FUT8: variants seen among roughly 807,000 people sequenced by gnomAD.
FUT8 encodes the protein alpha-(1,6)-fucosyltransferase.
Under a neutral mutation model 71.3 loss-of-function variants are expected in FUT8, and 29 were observed. That is an observed-to-expected ratio of 0.41 (90% CI 0.30 to 0.55). The LOEUF (loss-of-function observed/expected upper bound fraction) is 0.55. FUT8 is among the 20% of genes least tolerant of loss of function. The probability of loss-of-function intolerance (pLI) is 0.34; values close to 1 mark genes in which losing one functional copy is unlikely to be tolerated. For synonymous variants in FUT8, 254 were observed against 239.3 expected (o/e 1.06, Z -0.57); for missense variants, 544 against 702.1 (o/e 0.77, Z 2.55).
intron 1 of FUT8, among the ~76,000 whole-genome samples, chr14:65,432,794 A>C (rs1317503592): frequency 6.6e-6 from 1 of 152,162 alleles, no homozygotes; most frequent in Non-Finnish European, 1.5e-5. Context: ...CAATGTCAGG[A>C]AGTTACCCTG....
chr14:65,656,860 A>G lies in FUT8; in HGVS notation c.598-12383A>G, dbSNP rs74454534. ...ACCCAGAAACAAATCTGTTATCTAC[A>G]GTAAACTCATTTTCAACGAAAGTCA... On this transcript the variant is annotated intron_variant, in intron 6 of 10. Coordinates refer to ENST00000673929, the MANE Select transcript of FUT8 (RefSeq NM_001371533.1). Among the ~76,000 whole-genome samples, 1,188 of 152,330 alleles carry G rather than the reference A, an allele frequency of 7.8e-3. 9 individuals carry two copies. The highest frequency in any genetic ancestry group is 0.024 in the African/African-American group (986 of 41,576).
chr14:65,564,620 A>G (rs1345073375), intron 3 of FUT8, among the ~76,000 whole-genome samples: 2 of 151,958 alleles, frequency 1.3e-5, no homozygotes, highest in African/African-American at 2.4e-5. Context: ...AACCATCACA[A>G]AAACTATAGA....
chr14:65,698,939 A>T (rs1894136983), intron 7 of FUT8, among the ~76,000 whole-genome samples: 1 of 152,168 alleles, frequency 6.6e-6, no homozygotes, highest in Non-Finnish European at 1.5e-5. Flanking sequence ...AAATGCAATG[A>T]TTGAGATACC....
chr14:65,604,015 A>G (rs61987994), intron 3 of FUT8, among the ~76,000 whole-genome samples: 102,698 of 150,800 alleles, frequency 0.68, 35,505 homozygotes, highest in East Asian at 0.79. Flanking sequence ...GGCCTTGTCC[A>G]ACAAGGCCTT....
At chr14:65,459,552 C>CTTATA (rs1221184447) in intron 2 of FUT8, among the ~76,000 whole-genome samples, 2 of 152,024 alleles carry the variant, frequency 1.3e-5, no homozygotes, top group African/African-American at 2.4e-5. Flanking sequence ...AGTAATTTAA[C>CTTATA]TTAATCCCAC....
At chr14:65,616,401 G>C in intron 5 of FUT8, 28 bp downstream of exon 5, 1 of 1,517,340 alleles carries the variant, frequency 6.6e-7, no homozygotes, top group Non-Finnish European at 8.9e-7. Flanking sequence ...CATTTTATTT[G>C]GGCTTTAGAA....
chr14:65,723,467 G>C (rs1895527618), intron 8 of FUT8, among the ~76,000 whole-genome samples: 1 of 152,168 alleles, frequency 6.6e-6, no homozygotes, highest in Non-Finnish European at 1.5e-5. Context: ...AATATGACAG[G>C]TGAAATTAAT....
chr14:65,585,611 G>C (rs1887339067), intron 3 of FUT8, among the ~76,000 whole-genome samples: 1 of 152,156 alleles, frequency 6.6e-6, no homozygotes, highest in Admixed American at 6.5e-5. Flanking sequence ...TTGTTCTTTT[G>C]ATGCAACTAT....
intron 2 of FUT8, among the ~76,000 whole-genome samples, chr14:65,519,856 C>T (rs971570508): frequency 1.3e-4 from 20 of 152,200 alleles, no homozygotes; most frequent in African/African-American, 4.8e-4. Context: ...TTGGCTCACT[C>T]CAGCCTCCAT....
rs143747256 is a variant in FUT8, at chr14:65,599,455, A to T, written c.204-16523A>T. 6.2e-3 allele frequency among the ~76,000 whole-genome samples: 944 copies of T among 152,316 alleles called. 11 individuals carry two copies. The highest frequency in any genetic ancestry group is 0.035 in the East Asian group (182 of 5,184). On this transcript the variant is annotated intron_variant, in intron 3 of 10. Transcript: ENST00000673929. ...AATTGATTTATTTCTTGGTTTGGTT[A>T]TGAGTATTTTTAGAAATATTTTAAA...
chr14:65,598,322 A>G (rs2140161352), intron 3 of FUT8, among the ~76,000 whole-genome samples: 1 of 152,190 alleles, frequency 6.6e-6, no homozygotes, highest in African/African-American at 2.4e-5. Context: ...ACCCAGGTTC[A>G]AGTGATTCTC....
chr14:65,478,980 G>A (rs1388720058), intron 2 of FUT8, among the ~76,000 whole-genome samples: 3 of 152,154 alleles, frequency 2.0e-5, no homozygotes, highest in Admixed American at 6.5e-5. Context: ...GTTAGGCTTT[G>A]GTTATCAGTA....
chr14:65,653,816 G>A (rs1363098712), intron 6 of FUT8, among the ~76,000 whole-genome samples: 1 of 152,156 alleles, frequency 6.6e-6, no homozygotes, highest in Non-Finnish European at 1.5e-5. Flanking sequence ...GGGATTATAG[G>A]CTTTGAACCA....
rs560398782 is a variant in FUT8 at position 65,645,893 on chromosome 14, T to A, written c.597+16287T>A. 11 of 152,336 alleles carry A rather than the reference T, an allele frequency of 7.2e-5. No homozygotes were observed. The East Asian group carries it at 2.1e-3, about 29-fold the overall frequency. The allele number at this position is 152,336 out of a possible 1,614,324, so 9.4% of individuals were successfully genotyped here. On this transcript the variant is annotated intron_variant, in intron 6 of 10. Coordinates refer to ENST00000673929, the MANE Select transcript of FUT8 (RefSeq NM_001371533.1). Reference sequence around the variant, plus strand: ...AAAAATATCTCTGCACAAAAGCAACTGTGAACTACATAAATATATCTCTAA... The same window carrying A: ...AAAAATATCTCTGCACAAAAGCAACAGTGAACTACATAAATATATCTCTAA...
chr14:65,693,432 G>A (rs1327596496), intron 7 of FUT8, among the ~76,000 whole-genome samples: 3 of 152,242 alleles, frequency 2.0e-5, no homozygotes, highest in Non-Finnish European at 2.9e-5. Context: ...AGGCAGGGAG[G>A]TTGCAGTGAG....
chr14:65,471,740 GT>G (rs1254192864), intron 2 of FUT8, among the ~76,000 whole-genome samples: 96 of 143,924 alleles, frequency 6.7e-4, no homozygotes, highest in Non-Finnish European at 7.4e-4. Context: ...TGGATTATCA[GT>G]TTTTTTTTTT....
At chr14:65,457,968 G>T (rs1295318482) in intron 2 of FUT8, 1 of 152,054 alleles carries the variant, frequency 6.6e-6, no homozygotes, top group Non-Finnish European at 1.5e-5. Flanking sequence ...GGATCACGAG[G>T]TCAGGAGATC....
intron 1 of FUT8, among the ~76,000 whole-genome samples, chr14:65,427,725 A>G (rs1407856455): frequency 1.3e-5 from 2 of 152,242 alleles, no homozygotes; most frequent in Non-Finnish European, 2.9e-5. Flanking sequence ...CATAACATTC[A>G]TAGTTCAAGT....
chr14:65,623,484 C>A (rs968650153), intron 5 of FUT8, among the ~76,000 whole-genome samples: 2 of 151,720 alleles, frequency 1.3e-5, no homozygotes, highest in African/African-American at 4.8e-5. Flanking sequence ...TTGGGGAGAC[C>A]GAGGAGGGTG....
Sources: gnomAD v4.1 joint callset for allele counts (sites outside exome capture counted in the v4.1 genomes callset) on GRCh38, gnomAD v4.1.1 for gene constraint, MANE v1.5 for transcripts, NCBI Gene and HGNC (gene_info 2026-07-23, HGNC 2026-07-21) for gene names.